The following CYP4F2 variants were observed in gnomAD, a reference collection of about 807,000 sequenced individuals.
CYP4F2 encodes cytochrome P450 4F2.
Under a neutral mutation model 58.9 loss-of-function variants are expected in CYP4F2, and 58 were observed. The ratio of observed to expected loss-of-function variants is 0.98; its 90% confidence interval spans 0.80 to 1.23. CYP4F2 has a LOEUF of 1.23. Ranked by LOEUF, CYP4F2 falls within the 50% of genes most tolerant of loss-of-function variation. CYP4F2 has a pLI of 0.00. For synonymous variants in CYP4F2, 287 were observed against 261.1 expected, an observed-to-expected ratio of 1.10 and a Z score of -0.95; for missense variants, 616 against 685.6, an observed-to-expected ratio of 0.90 and a Z score of 1.13.
Position 15,892,527 on chromosome 19 carries a change from AC to A in CYP4F2, c.397+1del, listed in dbSNP as rs907137468. On this transcript the variant is annotated splice_donor_variant, in intron 4 of 12. Coordinates refer to ENST00000221700, the MANE Select transcript of CYP4F2 (RefSeq NM_001082.5). LOFTEE classifies it high-confidence loss of function. ...CAACCCTGTTCACCTGCAGATACTC[AC>A]CCAGCCAGGGCTCCAGGAAGCTGTA... 6 of 1,613,230 alleles carry A rather than the reference AC, an allele frequency of 3.7e-6. No individual in the cohort carries two copies. In the African/African-American group the frequency reaches 6.7e-5, roughly 18 times the overall value.
intron 5 of CYP4F2, among the ~76,000 whole-genome samples, chr19:15,891,104 A>G (rs1262753322): frequency 6.6e-6 from 1 of 152,198 alleles, no homozygotes; most frequent in Non-Finnish European, 1.5e-5. Flanking sequence ...AATGCAAGAC[A>G]CTGATGTCCT....
In CYP4F2 at chr19:15,879,947, T is replaced by C. The variant is rs775491476; in HGVS notation, c.1116-50A>G. The stretch of plus-strand genomic sequence containing the variant: ...CCTTATCAAGGGAGCAAAGACACAA[T>C]TCTCCAGCTTCTCTCTGTTTGCAAG... On this transcript the variant is annotated intron_variant, in intron 9 of 12. Coordinates refer to ENST00000221700, the MANE Select transcript of CYP4F2 (RefSeq NM_001082.5). 6 of 1,600,710 alleles carry C rather than the reference T, an allele frequency of 3.7e-6. No individual in the cohort carries two copies. The South Asian group carries it at 4.5e-5, about 12-fold the overall frequency.
At chr19:15,895,456 G>A (rs376528458) in intron 3 of CYP4F2, 50 bp downstream of exon 3, 15 of 1,458,942 alleles carry the variant, frequency 1.0e-5, no homozygotes, top group African/African-American at 3.0e-5. Context: ...TGGGGATAGC[G>A]GAAGTGCAGG....
chr19:15,896,210 G>T, intron 2 of CYP4F2, among the ~76,000 whole-genome samples: 1 of 151,046 alleles, frequency 6.6e-6, no homozygotes, highest in African/African-American at 2.4e-5. Flanking sequence ...TCCTATCTGT[G>T]CATCTATCTA....
intron 5 of CYP4F2, among the ~76,000 whole-genome samples, chr19:15,891,657 T>C (rs988512760): frequency 3.3e-5 from 5 of 152,004 alleles, no homozygotes; most frequent in African/African-American, 1.2e-4. Flanking sequence ...AAATGATGAG[T>C]TAATAACTAA....
Position 15,889,407 on chromosome 19 carries a change from T to C in CYP4F2, c.918+16A>G, listed in dbSNP as rs766075572. 6.2e-7 allele frequency: 1 copy of C among 1,613,504 alleles called. No homozygotes were observed. The highest frequency in any genetic ancestry group is 8.5e-7 in the Non-Finnish European group (1 of 1,179,676). On this transcript the variant is annotated intron_variant, in intron 7 of 12. Coordinates refer to ENST00000221700, the MANE Select transcript of CYP4F2 (RefSeq NM_001082.5). ...CTCCCTTCTACTTCTTGAATTCAGA[T>C]CCCAGAGAGGCCCACCTTGCTCAGC...
chr19:15,879,717 G>T (rs2089331429), intron 10 of CYP4F2, 47 bp downstream of exon 10: 9 of 1,613,866 alleles, frequency 5.6e-6, no homozygotes, highest in Non-Finnish European at 7.6e-6. Context: ...TCACTGAGGG[G>T]CCCCTCTTCC....
Position 15,879,211 on chromosome 19 carries a change from C to G in CYP4F2, c.1397+135G>C, listed in dbSNP as rs971228914. 3 of 1,365,330 alleles carry G rather than the reference C, an allele frequency of 2.2e-6. No homozygotes were observed. The African/African-American group carries it at 4.4e-5, about 20-fold the overall frequency. 84.6% of individuals were successfully genotyped at this position (1,365,330 alleles called of 1,614,324 possible). On this transcript the variant is annotated intron_variant, in intron 12 of 12. Coordinates refer to ENST00000221700, the MANE Select transcript of CYP4F2 (RefSeq NM_001082.5). ...CCAACCGTACTCTATGGACCTTTTC[C>G]TATAAACTCCAGAGGAGGTGAGGGA...
At position 15,879,748 on chromosome 19, in the gene CYP4F2, G is replaced by A. The variant is rs755292564; in HGVS notation, c.1249+16C>T. On this transcript the variant is annotated intron_variant, in intron 10 of 12. Coordinates refer to ENST00000221700, the MANE Select transcript of CYP4F2 (RefSeq NM_001082.5). ...CTTCCTACCCAGGAGACTCCTCCCC[G>A]TGAGGCTGTGAGCACCTTTGGGGAT... 1.7e-5 allele frequency: 28 copies of A among 1,613,768 alleles called. No individual in the cohort carries two copies. The highest frequency in any genetic ancestry group is 8.3e-5 in the Admixed American group (5 of 59,958).
intron 9 of CYP4F2, among the ~76,000 whole-genome samples, chr19:15,883,018 A>G (rs1224981431): frequency 6.6e-6 from 1 of 152,220 alleles, no homozygotes; most frequent in Non-Finnish European, 1.5e-5. Flanking sequence ...AACCACATCC[A>G]TAATTTTGCT....
At chr19:15,897,007 T>C (rs2089451880) in intron 2 of CYP4F2, among the ~76,000 whole-genome samples, 1 of 152,170 alleles carries the variant, frequency 6.6e-6, no homozygotes, top group South Asian at 2.1e-4. Context: ...GCCTCTCCTC[T>C]GGCCCAGCTG....
intron 5 of CYP4F2, among the ~76,000 whole-genome samples, chr19:15,891,486 T>G (rs1471454500): frequency 6.6e-6 from 1 of 152,148 alleles, no homozygotes; most frequent in Non-Finnish European, 1.5e-5. Flanking sequence ...CCTAGATACT[T>G]CGCAAAACCT....
At chr19:15,891,408 C>T (rs746262487) in intron 5 of CYP4F2, among the ~76,000 whole-genome samples, 2 of 152,028 alleles carry the variant, frequency 1.3e-5, no homozygotes, top group African/African-American at 4.8e-5. Flanking sequence ...AGGAGTCTCT[C>T]GTCCTTCTGG....
chr19:15,878,785 C>T lies in CYP4F2; in HGVS notation c.1549G>A (p.Glu517Lys), dbSNP rs189188535. ...RAEGGLWLRV[E>K]PLS is the part of the protein sequence containing the mutation. Reference sequence around the variant, plus strand: ...CTCTGCAGAACTCAGCTCAGGGGCTCCACCCGCAGCCAAAGTCCGCCCTCT... The same window carrying T: ...CTCTGCAGAACTCAGCTCAGGGGCTTCACCCGCAGCCAAAGTCCGCCCTCT... Residue 517 changes from glutamate to lysine, a missense_variant, in exon 13 of 13, where the codon GAG (glutamate) becomes AAG (lysine). Transcript: ENST00000221700. 6.2e-7 allele frequency: 1 copy of T among 1,613,374 alleles called. No homozygotes were observed. The highest frequency in any genetic ancestry group is 2.2e-5 in the East Asian group (1 of 44,848).
chr19:15,884,338 G>C (rs3093180), intron 9 of CYP4F2, among the ~76,000 whole-genome samples: 2 of 152,086 alleles, frequency 1.3e-5, no homozygotes, highest in Admixed American at 6.5e-5. Flanking sequence ...ATTGGTAGAA[G>C]GGAGGGAGGG....
In CYP4F2 at chr19:15,892,415, G is replaced by T; in HGVS notation, c.419C>A (p.Ala140Asp). ...ACGGTGGCGGCTCCACTTGTCACCA[G>T]CACTCAGCAGGAGCCCATCCCCTAG... Reference protein sequence around the residue: ...PWLGDGLLLSAGDKWSRHRRM... With the variant: ...PWLGDGLLLSDGDKWSRHRRM... The change falls in exon 5 of 13, where the codon GCT becomes GAT. Residue 140 changes from alanine to aspartate, a missense_variant. Ala to Asp is a moderately radical substitution (Grantham distance 126, BLOSUM62 -2). Coordinates refer to ENST00000221700, the MANE Select transcript of CYP4F2 (RefSeq NM_001082.5). 6.2e-7 allele frequency: 1 copy of T among 1,614,206 alleles called. No homozygotes were observed. The highest frequency in any genetic ancestry group is 8.5e-7 in the Non-Finnish European group (1 of 1,180,036).
chr19:15,879,502 G>A, intron 11 of CYP4F2, 74 bp from the exon 12 acceptor site: 9 of 1,608,186 alleles, frequency 5.6e-6, no homozygotes, highest in Non-Finnish European at 7.7e-6. Context: ...AGACAGTTGT[G>A]TGTGTCTTTG....
intron 3 of CYP4F2, among the ~76,000 whole-genome samples, chr19:15,893,280 TCCCAGACCTCACACAACC>T (rs565243980): frequency 2.6e-5 from 4 of 151,732 alleles, no homozygotes; most frequent in Non-Finnish European, 5.9e-5. Context: ...GGACCCTGGG[TCCCAGACCTCACACAACC>T]CCCAGACCTC....
intron 8 of CYP4F2, 89 bp from the exon 9 acceptor site, chr19:15,886,142 A>G: frequency 6.2e-7 from 1 of 1,605,420 alleles, no homozygotes; most frequent in East Asian, 2.2e-5. Flanking sequence ...CTCAGGGAGG[A>G]TGGGGGAAGG....
Sources: allele counts gnomAD v4.1 joint callset (sites outside exome capture counted in the v4.1 genomes callset), GRCh38; gene constraint gnomAD v4.1.1; transcripts MANE v1.5; gene names NCBI Gene and HGNC (gene_info 2026-07-23, HGNC 2026-07-21).